The following DOK6 variants were observed in gnomAD, a reference collection of about 807,000 sequenced individuals.
DOK6 encodes downstream of tyrosine kinase 6.
In DOK6, 22 loss-of-function variants were observed where a neutral mutation model predicts 44.0. The observed-to-expected ratio is 0.50, with a 90% confidence interval of 0.36 to 0.71. The LOEUF (loss-of-function observed/expected upper bound fraction) is 0.71, where lower values mean the gene tolerates loss of function less well. DOK6 is among the 30% of genes least tolerant of loss of function. DOK6 has a pLI of 0.00. For missense variants in DOK6, 340 were observed against 416.4 expected (o/e 0.82, Z 1.60); for synonymous variants, 166 against 145.5 (o/e 1.14, Z -1.01).
At chr18:69,810,680 A>T (rs1433819211) in intron 7 of DOK6, among the ~76,000 whole-genome samples, 1 of 152,026 alleles carries the variant, frequency 6.6e-6, no homozygotes, top group East Asian at 1.9e-4. Flanking sequence ...GACACTTCTC[A>T]AAAGAAGAAT....
chr18:69,508,325 C>T (rs1981253564), intron 1 of DOK6, among the ~76,000 whole-genome samples: 1 of 151,762 alleles, frequency 6.6e-6, no homozygotes, highest in South Asian at 2.1e-4. Context: ...TTATTTTTTC[C>T]TCTTGTGATG....
chr18:69,798,745 A>T (rs1259145493), intron 7 of DOK6, among the ~76,000 whole-genome samples: 1 of 151,466 alleles, frequency 6.6e-6, no homozygotes, highest in Non-Finnish European at 1.5e-5. Context: ...TAAAATTATT[A>T]TTATTATATA....
At chr18:69,811,382 C>G (rs183462744) in intron 7 of DOK6, among the ~76,000 whole-genome samples, 109 of 151,620 alleles carry the variant, frequency 7.2e-4, no homozygotes, top group Middle Eastern at 3.4e-3. Flanking sequence ...TTCAAGAGAT[C>G]TATTGTACAA....
intron 3 of DOK6, chr18:69,661,162 C>T (rs557209551): frequency 1.1e-4 from 16 of 152,292 alleles, no homozygotes; most frequent in Non-Finnish European, 2.1e-4. Context: ...TCCCAGTCCC[C>T]GAAGCTAGGA....
rs61202412 is a variant in DOK6, at chr18:69,768,954, CGT to C, written c.856+11108_856+11109del. On this transcript the variant is annotated intron_variant, in intron 7 of 7. Coordinates refer to ENST00000382713, the MANE Select transcript of DOK6 (RefSeq NM_152721.6). ...TTTATGCTAAGATTTGAAGGGTGTG[CGT>C]GTGTGTGTGTGTGTGTGTGTGTGTG... Among the ~76,000 whole-genome samples, 119 of 142,670 alleles carry C rather than the reference CGT, an allele frequency of 8.3e-4. 3 individuals are homozygous for C. Among genetic ancestry groups the C allele is most frequent in the African/African-American group, 2.5e-3 (100 of 39,266 alleles). 93.6% of individuals were successfully genotyped at this position (142,670 alleles called of 152,430 possible). A position where few individuals can be genotyped will look rare whatever the true frequency, so the allele number is the denominator to read the frequency against.
At chr18:69,625,056 C>T (rs1223571496) in intron 3 of DOK6, among the ~76,000 whole-genome samples, 2 of 152,086 alleles carry the variant, frequency 1.3e-5, no homozygotes, top group Non-Finnish European at 2.9e-5. Flanking sequence ...CTTGGCAACT[C>T]TAGTGAAGAT....
rs563898051 is a variant in DOK6 at position 69,781,063 on chromosome 18, T to C, written c.856+23190T>C. 4.6e-5 allele frequency among the ~76,000 whole-genome samples: 7 copies of C among 152,300 alleles called. No homozygotes were observed. The South Asian group carries it at 1.2e-3, about 27-fold the overall frequency. On this transcript the variant is annotated intron_variant, in intron 7 of 7. Transcript: ENST00000382713. ...TGTCTTTGCAATCCCCACAAACAAT[T>C]TCAGCTACCAAGAGAAAACACTCTG... is the stretch of plus-strand genomic sequence containing the variant.
chr18:69,468,448 C>T (rs923728110), intron 1 of DOK6, among the ~76,000 whole-genome samples: 2 of 152,138 alleles, frequency 1.3e-5, no homozygotes, highest in Non-Finnish European at 2.9e-5. Flanking sequence ...CAGTTAAGCT[C>T]AATGCAATAA....
chr18:69,694,854 C>T (rs956492337), intron 4 of DOK6, among the ~76,000 whole-genome samples: 24 of 152,146 alleles, frequency 1.6e-4, no homozygotes, highest in African/African-American at 5.3e-4. Context: ...TGTTGTCAAT[C>T]ATCTGATAAG....
chr18:69,621,999 T>A (rs1186431572), intron 3 of DOK6, among the ~76,000 whole-genome samples: 4 of 152,234 alleles, frequency 2.6e-5, no homozygotes, highest in Non-Finnish European at 1.5e-5. Context: ...TCTAATTTTG[T>A]GACTTAAAAA....
At chr18:69,710,770 G>C (rs1298390748) in intron 5 of DOK6, among the ~76,000 whole-genome samples, 3 of 152,150 alleles carry the variant, frequency 2.0e-5, no homozygotes, top group African/African-American at 7.2e-5. Flanking sequence ...TCTGCCATGA[G>C]AACAAAAACC....
intron 4 of DOK6, among the ~76,000 whole-genome samples, chr18:69,696,610 C>T (rs59669255): frequency 0.046 from 7,061 of 152,126 alleles, 359 homozygotes; most frequent in African/African-American, 0.12. Context: ...TGATTAATTC[C>T]AAATATAGGA....
intron 3 of DOK6, among the ~76,000 whole-genome samples, chr18:69,665,918 G>C (rs760168934): frequency 1.3e-5 from 2 of 151,666 alleles, no homozygotes; most frequent in Non-Finnish European, 2.9e-5. Flanking sequence ...TCTTTTCCCT[G>C]AACCATTTCT....
At chr18:69,648,392 G>A (rs1985138534) in intron 3 of DOK6, among the ~76,000 whole-genome samples, 1 of 152,052 alleles carries the variant, frequency 6.6e-6, no homozygotes. Context: ...GAATTTACCT[G>A]TATAACAAAT....
At chr18:69,455,189 A>T (rs1979598857) in intron 1 of DOK6, among the ~76,000 whole-genome samples, 1 of 111,146 alleles carries the variant, frequency 9.0e-6, no homozygotes, top group African/African-American at 3.7e-5. Flanking sequence ...AGAAAAAGAA[A>T]AAAGGAAAAA....
chr18:69,836,863 A>C lies in DOK6; in HGVS notation c.857-4381A>C, dbSNP rs149097536. Among the ~76,000 whole-genome samples the C allele has an allele frequency of 2.6e-3, 394 of 152,352 alleles. 2 individuals carry two copies. The highest frequency in any genetic ancestry group is 8.4e-3 in the African/African-American group (349 of 41,574). On this transcript the variant is annotated intron_variant, in intron 7 of 7. Transcript: ENST00000382713. ...CATAATTCAAATGAACATTGAAAAA[A>C]TGCTTAATTATTTCTTTTTTATTCT...
At chr18:69,790,902 T>C (rs926016246) in intron 7 of DOK6, among the ~76,000 whole-genome samples, 6 of 152,228 alleles carry the variant, frequency 3.9e-5, no homozygotes, top group Non-Finnish European at 7.4e-5. Flanking sequence ...ACTATATTTC[T>C]GTACCCATTA....
At chr18:69,535,204 A>C (rs972759192) in intron 1 of DOK6, among the ~76,000 whole-genome samples, 1 of 152,044 alleles carries the variant, frequency 6.6e-6, no homozygotes, top group African/African-American at 2.4e-5. Flanking sequence ...ATTTCCTTAG[A>C]TCTTTCAAAA....
intron 1 of DOK6, among the ~76,000 whole-genome samples, chr18:69,437,814 G>C (rs914409167): frequency 2.0e-5 from 3 of 152,106 alleles, no homozygotes; most frequent in Admixed American, 6.6e-5. Context: ...TATTGGTTCA[G>C]TTCTAGACCA....
Sources: allele counts gnomAD v4.1 joint callset (sites outside exome capture counted in the v4.1 genomes callset), GRCh38; gene constraint gnomAD v4.1.1; transcripts MANE v1.5; gene names NCBI Gene and HGNC (gene_info 2026-07-23, HGNC 2026-07-21).